The following AGBL4 variants were observed in gnomAD, a reference collection of about 807,000 sequenced individuals.
AGBL4 encodes the protein cytosolic carboxypeptidase 6.
A neutral mutation model predicts 66.4 loss-of-function variants in AGBL4; 58 were observed. The observed-to-expected ratio is 0.87, with a 90% CI of 0.71 to 1.09. The LOEUF (loss-of-function observed/expected upper bound fraction) is 1.09. AGBL4 is among the 50% of genes least tolerant of loss of function. The pLI is 0.00. For missense variants in AGBL4, 579 were observed against 631.0 expected (o/e 0.92, Z 0.88); for synonymous variants, 234 against 222.9 (o/e 1.05, Z -0.44).
chr1:48,647,608 A>C (rs1465914606), intron 8 of AGBL4: 1 of 453,862 alleles, frequency 2.2e-6, no homozygotes, highest in Non-Finnish European at 4.4e-6. Context: ...ACAAGCACCT[A>C]ATTAAGAAAT....
At chr1:49,601,858 C>A (rs1644965691) in intron 3 of AGBL4, among the ~76,000 whole-genome samples, 1 of 151,986 alleles carries the variant, frequency 6.6e-6, no homozygotes, top group African/African-American at 2.4e-5. Flanking sequence ...CAAATGGGAT[C>A]AATTAAACTA....
chr1:49,810,974 T>C (rs914643151), intron 2 of AGBL4, among the ~76,000 whole-genome samples: 1 of 152,130 alleles, frequency 6.6e-6, no homozygotes, highest in Non-Finnish European at 1.5e-5. Flanking sequence ...GTATCAAATA[T>C]ATAGGCAATT....
intron 3 of AGBL4, among the ~76,000 whole-genome samples, chr1:49,611,381 T>TG (rs1645151675): frequency 6.8e-6 from 1 of 147,512 alleles, no homozygotes; most frequent in East Asian, 1.9e-4. Flanking sequence ...ATTCTTTTTT[T>TG]TTTTTTTTTT....
intron 3 of AGBL4, among the ~76,000 whole-genome samples, chr1:49,486,712 C>T (rs142196005): frequency 2.0e-5 from 3 of 151,990 alleles, no homozygotes; most frequent in South Asian, 4.1e-4. Flanking sequence ...TCTAGAAAAA[C>T]GTCGGCGTAA....
intron 3 of AGBL4, among the ~76,000 whole-genome samples, chr1:49,535,488 C>A (rs1651503712): frequency 6.6e-6 from 1 of 150,840 alleles, no homozygotes. Context: ...CAATACCAAA[C>A]CAGACAACTT....
At chr1:49,580,039 T>C (rs1644511643) in intron 3 of AGBL4, among the ~76,000 whole-genome samples, 1 of 152,208 alleles carries the variant, frequency 6.6e-6, no homozygotes, top group Non-Finnish European at 1.5e-5. Context: ...TCACGCTCAA[T>C]TGATCCCTGT....
chr1:49,741,696 T>C (rs1045282459), intron 2 of AGBL4, among the ~76,000 whole-genome samples: 1 of 152,112 alleles, frequency 6.6e-6, no homozygotes, highest in African/African-American at 2.4e-5. Context: ...AAAAATCTTA[T>C]CCATCATGAT....
intron 4 of AGBL4, among the ~76,000 whole-genome samples, chr1:49,178,566 C>A (rs1646872769): frequency 6.6e-6 from 1 of 152,034 alleles, no homozygotes; most frequent in African/African-American, 2.4e-5. Context: ...GGGTAGATAC[C>A]CAGCAAATGT....
intron 3 of AGBL4, among the ~76,000 whole-genome samples, chr1:49,281,791 A>C (rs1431520911): frequency 3.3e-5 from 5 of 152,312 alleles, no homozygotes; most frequent in Non-Finnish European, 7.4e-5. Context: ...AACAAATGGA[A>C]GTGCTGGGAG....
At chr1:49,779,419 T>G (rs1354770565) in intron 2 of AGBL4, among the ~76,000 whole-genome samples, 3 of 152,114 alleles carry the variant, frequency 2.0e-5, no homozygotes, top group Non-Finnish European at 2.9e-5. Flanking sequence ...GGTGGTAACA[T>G]GTAGTACAGG....
intron 2 of AGBL4, among the ~76,000 whole-genome samples, chr1:49,793,955 A>G (rs1169797423): frequency 6.6e-6 from 1 of 151,994 alleles, no homozygotes; most frequent in Non-Finnish European, 1.5e-5. Context: ...AGAGAAGTCT[A>G]TGTTGAAAGC....
chr1:49,978,406 T>C (rs1658760972), intron 1 of AGBL4, among the ~76,000 whole-genome samples: 1 of 152,190 alleles, frequency 6.6e-6, no homozygotes, highest in Non-Finnish European at 1.5e-5. Context: ...ACTGTGCCAC[T>C]GCCCTCTAGC....
intron 11 of AGBL4, among the ~76,000 whole-genome samples, chr1:48,554,071 T>C (rs775597819): frequency 6.6e-6 from 1 of 152,094 alleles, no homozygotes; most frequent in Non-Finnish European, 1.5e-5. Flanking sequence ...ATTCTGTGGG[T>C]GAGAATTGGG....
Position 48,534,885 on chromosome 1 carries a change from C to G in AGBL4, c.1391+5G>C. ...GGGCAATGTCATCTTGAAGCAGTTC[C>G]TTACCTTCTCTGGACTTCTATTTCT... On this transcript the variant is annotated splice_donor_5th_base_variant and intron_variant, in intron 13 of 13. Transcript: ENST00000371839. 12 of 1,551,326 alleles carry G rather than the reference C, an allele frequency of 7.7e-6. No homozygotes were observed. The highest frequency in any genetic ancestry group is 1.0e-5 in the Non-Finnish European group (12 of 1,146,706).
Position 49,931,627 on chromosome 1 carries a change from T to C in AGBL4, c.35-80109A>G, listed in dbSNP as rs536607016. Among the ~76,000 whole-genome samples the C allele has an allele frequency of 2.0e-5, 3 of 152,276 alleles. No homozygotes were observed. In the South Asian group the frequency reaches 6.2e-4, roughly 32 times the overall value. On this transcript the variant is annotated intron_variant, in intron 1 of 13. Coordinates refer to ENST00000371839, the MANE Select transcript of AGBL4 (RefSeq NM_032785.4). ...GGTCCCTCCCTCAACACATGGGGAA[T>C]GCAATTTGAGATGAGATTTGGGTGA...
At chr1:49,754,437 T>C (rs1003330494) in intron 2 of AGBL4, among the ~76,000 whole-genome samples, 2 of 152,246 alleles carry the variant, frequency 1.3e-5, no homozygotes, top group Non-Finnish European at 2.9e-5. Flanking sequence ...TTCCTTCTAA[T>C]AGTAGGGCCT....
At chr1:49,008,520 A>G (rs572713230) in intron 5 of AGBL4, among the ~76,000 whole-genome samples, 2 of 149,174 alleles carry the variant, frequency 1.3e-5, no homozygotes, top group Non-Finnish European at 1.5e-5. Context: ...CTCTGCACCA[A>G]GCGGACCTAA....
At chr1:49,214,459 G>C (rs1648913942) in intron 4 of AGBL4, among the ~76,000 whole-genome samples, 1 of 152,108 alleles carries the variant, frequency 6.6e-6, no homozygotes, top group African/African-American at 2.4e-5. Flanking sequence ...AGTACAGAGA[G>C]AGAATTCTGC....
At chr1:49,685,509 A>G (rs1055833372) in intron 3 of AGBL4, among the ~76,000 whole-genome samples, 2 of 151,936 alleles carry the variant, frequency 1.3e-5, no homozygotes, top group South Asian at 4.1e-4. Context: ...ACTAACTTAC[A>G]CTCTCACCAG....
Sources: allele counts gnomAD v4.1 joint callset (sites outside exome capture counted in the v4.1 genomes callset), GRCh38; gene constraint gnomAD v4.1.1; transcripts MANE v1.5; gene names NCBI Gene and HGNC (gene_info 2026-07-23, HGNC 2026-07-21).